CYP39A1: variants seen among roughly 807,000 people sequenced by gnomAD.
The protein encoded by CYP39A1 is cytochrome P450 family 39 subfamily A member 1.
Under a neutral mutation model 58.1 loss-of-function variants are expected in CYP39A1, and 49 were observed. The ratio of observed to expected loss-of-function variants is 0.84; its 90% CI spans 0.67 to 1.07. The LOEUF is 1.07. Ranked by LOEUF, CYP39A1 falls within the 50% of genes least tolerant of loss-of-function variation. The pLI, the probability that CYP39A1 is intolerant of heterozygous loss-of-function variation, is 0.00. For synonymous variants in CYP39A1, 209 were observed against 187.6 expected (o/e 1.11, Z -0.93); for missense variants, 531 against 539.4 (o/e 0.98, Z 0.16).
intron 11 of CYP39A1, 120 bp from the exon 12 acceptor site, chr6:46,550,557 G>T: frequency 1.4e-6 from 1 of 739,206 alleles, no homozygotes; most frequent in Non-Finnish European, 2.1e-6. Context: ...TTTCAAGTTG[G>T]GAAATGTTTG....
At chr6:46,630,869 T>C (rs1226624435) in intron 6 of CYP39A1, 94 bp downstream of exon 6, 17 of 996,510 alleles carry the variant, frequency 1.7e-5, no homozygotes, top group Middle Eastern at 4.3e-4. Flanking sequence ...TAATGAGTGA[T>C]GAGTGGAAAA....
chr6:46,630,130 C>A (rs533662645), intron 6 of CYP39A1, among the ~76,000 whole-genome samples: 1,679 of 151,364 alleles, frequency 0.011, 22 homozygotes, highest in African/African-American at 0.027. Flanking sequence ...ACAACAACAA[C>A]AAAAAAACCC....
intron 3 of CYP39A1, among the ~76,000 whole-genome samples, chr6:46,638,622 G>T (rs1322452394): frequency 6.6e-6 from 1 of 152,060 alleles, no homozygotes; most frequent in Non-Finnish European, 1.5e-5. Flanking sequence ...AAATATCCAA[G>T]AATATTTTGT....
At position 46,642,327 on chromosome 6, in the gene CYP39A1, A is replaced by G. The variant is rs200874705; in HGVS notation, c.178-29T>C. 1.1e-3 allele frequency: 1,725 copies of G among 1,599,124 alleles called. 26 individuals are homozygous for G. The South Asian group carries it at 0.018, about 17-fold the overall frequency. On this transcript the variant is annotated intron_variant, in intron 1 of 11. Transcript: ENST00000275016. Reference sequence around the variant, plus strand: ...AAATAAAACAAACATAGATTATATTAGTAAGCATTCCTAAGCCATGTTTAA... The same window carrying G: ...AAATAAAACAAACATAGATTATATTGGTAAGCATTCCTAAGCCATGTTTAA...
intron 7 of CYP39A1, among the ~76,000 whole-genome samples, chr6:46,601,543 G>T (rs979135303): frequency 6.6e-6 from 1 of 152,082 alleles, no homozygotes; most frequent in African/African-American, 2.4e-5. Context: ...GCCTCAGTTT[G>T]CTTACATATA....
At chr6:46,645,966 CCAAA>C (rs1436627892) in intron 1 of CYP39A1, among the ~76,000 whole-genome samples, 1 of 152,018 alleles carries the variant, frequency 6.6e-6, no homozygotes, top group African/African-American at 2.4e-5. Flanking sequence ...TAGTATGTAA[CCAAA>C]CAATTGATAT....
chr6:46,583,390 C>T (rs1169075216), intron 10 of CYP39A1: 1 of 985,220 alleles, frequency 1.0e-6, no homozygotes, highest in Admixed American at 6.2e-5. Context: ...AAGCACATCC[C>T]TAAGATCATC....
chr6:46,610,879 G>T (rs1774176237), intron 7 of CYP39A1, among the ~76,000 whole-genome samples: 1 of 152,120 alleles, frequency 6.6e-6, no homozygotes, highest in African/African-American at 2.4e-5. Flanking sequence ...TATAGGTCCT[G>T]CCCCAGTCTG....
At chr6:46,644,615 T>C (rs1776543161) in intron 1 of CYP39A1, among the ~76,000 whole-genome samples, 1 of 152,204 alleles carries the variant, frequency 6.6e-6, no homozygotes, top group Non-Finnish European at 1.5e-5. Context: ...AACATCCATA[T>C]CTGGGTTTTT....
chr6:46,622,399 C>T (rs1775011886), intron 7 of CYP39A1, among the ~76,000 whole-genome samples: 2 of 151,846 alleles, frequency 1.3e-5, no homozygotes, highest in Non-Finnish European at 2.9e-5. Context: ...AAACTTATAG[C>T]TCAAGATGAC....
At chr6:46,614,094 T>G (rs532976778) in intron 7 of CYP39A1, among the ~76,000 whole-genome samples, 1 of 152,218 alleles carries the variant, frequency 6.6e-6, no homozygotes, top group South Asian at 2.1e-4. Context: ...TAAAATGGAA[T>G]CTGTGATACT....
intron 7 of CYP39A1, among the ~76,000 whole-genome samples, chr6:46,611,280 G>A (rs960674706): frequency 1.3e-5 from 2 of 152,230 alleles, no homozygotes; most frequent in African/African-American, 4.8e-5. Context: ...CCTTTTGGAA[G>A]TAGATCCTGC....
chr6:46,589,620 A>C (rs945601697), intron 8 of CYP39A1, among the ~76,000 whole-genome samples: 1 of 152,096 alleles, frequency 6.6e-6, no homozygotes, highest in African/African-American at 2.4e-5. Flanking sequence ...CTCAAATCCA[A>C]GACTGGGAAG....
At chr6:46,565,704 G>T (rs894735075) in intron 10 of CYP39A1, among the ~76,000 whole-genome samples, 16 of 152,070 alleles carry the variant, frequency 1.1e-4, no homozygotes, top group Non-Finnish European at 1.8e-4. Flanking sequence ...CAAGGAGCAG[G>T]GACTGAATTA....
At chr6:46,558,628 G>C (rs1312056726) in intron 10 of CYP39A1, among the ~76,000 whole-genome samples, 6 of 152,166 alleles carry the variant, frequency 3.9e-5, no homozygotes, top group Non-Finnish European at 8.8e-5. Context: ...CCATGAGAGA[G>C]ATCAGCCTAA....
intron 7 of CYP39A1, among the ~76,000 whole-genome samples, chr6:46,608,427 T>A (rs767243387): frequency 4.8e-4 from 73 of 151,930 alleles, no homozygotes; most frequent in Non-Finnish European, 8.4e-4. Context: ...TATTCTAGAG[T>A]GGGAAAAAAG....
intron 7 of CYP39A1, among the ~76,000 whole-genome samples, chr6:46,622,696 AAGATAATAAAGACTT>A (rs1392740963): frequency 4.7e-5 from 7 of 150,352 alleles, no homozygotes; most frequent in South Asian, 2.1e-4. Flanking sequence ...AAGACTTAGG[AAGATAATAAAGACTT>A]AGATAATAAA....
chr6:46,593,560 A>G (rs1772968802), intron 8 of CYP39A1, among the ~76,000 whole-genome samples: 1 of 152,164 alleles, frequency 6.6e-6, no homozygotes. Context: ...TCTAATTTAC[A>G]TAAGGTCAGT....
chr6:46,595,687 G>A (rs1195847650), intron 8 of CYP39A1, among the ~76,000 whole-genome samples: 1 of 151,946 alleles, frequency 6.6e-6, no homozygotes, highest in Non-Finnish European at 1.5e-5. Flanking sequence ...GTATAACATG[G>A]TGACTATTCC....
Sources: allele counts gnomAD v4.1 joint callset (sites outside exome capture counted in the v4.1 genomes callset), GRCh38; gene constraint gnomAD v4.1.1; transcripts MANE v1.5; gene names NCBI Gene and HGNC (gene_info 2026-07-23, HGNC 2026-07-21).